The following CFAP77 variants were observed in gnomAD, a reference collection of about 807,000 sequenced individuals.
CFAP77 encodes cilia- and flagella-associated protein 77.
Under a neutral mutation model 31.1 loss-of-function variants are expected in CFAP77, and 25 were observed. The observed-to-expected ratio is 0.80, with a 90% CI of 0.59 to 1.12. The LOEUF is 1.12. Ranked by LOEUF, CFAP77 falls within the 50% of genes most tolerant of loss-of-function variation. The pLI is 0.00. For synonymous variants in CFAP77, 151 were observed against 159.9 expected, an observed-to-expected ratio of 0.94 and a Z score of 0.42; for missense variants, 377 against 397.3, an observed-to-expected ratio of 0.95 and a Z score of 0.44.
chr9:132,458,497 T>C (rs1163747380), intron 1 of CFAP77, among the ~76,000 whole-genome samples: 1 of 152,190 alleles, frequency 6.6e-6, no homozygotes, highest in Non-Finnish European at 1.5e-5. Flanking sequence ...ATCCTAACAG[T>C]GATCAGCAGA....
At chr9:132,546,182 C>A (rs1463999412) in intron 5 of CFAP77, among the ~76,000 whole-genome samples, 2 of 152,188 alleles carry the variant, frequency 1.3e-5, no homozygotes, top group Admixed American at 1.3e-4. Context: ...TACAGACCTG[C>A]TGAGCCTCCC....
chr9:132,557,878 G>A (rs974810921), intron 5 of CFAP77, among the ~76,000 whole-genome samples: 3 of 152,198 alleles, frequency 2.0e-5, no homozygotes, highest in Admixed American at 1.3e-4. Context: ...GCAGAGGAAC[G>A]TGTAGATGTC....
intron 3 of CFAP77, among the ~76,000 whole-genome samples, chr9:132,524,251 A>G (rs1040997720): frequency 1.1e-4 from 16 of 152,008 alleles, no homozygotes; most frequent in African/African-American, 3.9e-4. Context: ...GTTTTAGAAA[A>G]AGTTGTGGAA....
intron 5 of CFAP77, among the ~76,000 whole-genome samples, chr9:132,570,737 C>T (rs1829947323): frequency 6.6e-6 from 1 of 152,304 alleles, no homozygotes; most frequent in South Asian, 2.1e-4. Flanking sequence ...GGGTTTCTAA[C>T]AACGCTCCAC....
At chr9:132,443,626 C>T (rs1413060221) in intron 1 of CFAP77, among the ~76,000 whole-genome samples, 4 of 152,242 alleles carry the variant, frequency 2.6e-5, no homozygotes, top group South Asian at 2.1e-4. Context: ...AACGGCCCTT[C>T]GTGAAGCAAC....
chr9:132,431,770 C>T (rs530103670), intron 1 of CFAP77, among the ~76,000 whole-genome samples: 24 of 152,244 alleles, frequency 1.6e-4, no homozygotes, highest in African/African-American at 5.5e-4. Flanking sequence ...GGAATAGTAG[C>T]CCAAATTTCC....
Position 132,499,409 on chromosome 9 carries a change from C to A in CFAP77, c.333C>A (p.Thr111=). ...GRWNVFKQQP[T]CPHELTRNYI... ...GGAACGTGTTCAAGCAGCAGCCCAC[C>A]TGCCCCCACGAGCTGACCCGGAATT... Residue 111 remains threonine (T), a synonymous_variant, in exon 3 of 6, where the codon ACC becomes ACA. Coordinates refer to ENST00000393216, the MANE Select transcript of CFAP77 (RefSeq NM_001282957.2). The surrounding 1 kb of genome is among the most constrained non-coding windows in gnomAD (Gnocchi z 5.4). 1 of 1,614,228 alleles carries A rather than the reference C, an allele frequency of 6.2e-7. No homozygotes were observed. Among genetic ancestry groups the A allele is most frequent in the South Asian group, 1.1e-5 (1 of 91,088 alleles).
intron 1 of CFAP77, among the ~76,000 whole-genome samples, chr9:132,412,893 G>T (rs1328014846): frequency 6.6e-6 from 1 of 152,026 alleles, no homozygotes. Flanking sequence ...CTTCATTGTG[G>T]CATGTCAGTT....
At chr9:132,465,282 T>A (rs868824918) in intron 1 of CFAP77, among the ~76,000 whole-genome samples, 15 of 152,276 alleles carry the variant, frequency 9.9e-5, no homozygotes, top group Non-Finnish European at 1.5e-4. Flanking sequence ...TCTCTTCTAC[T>A]GAAATTCATT....
chr9:132,411,804 G>T (rs965156452), intron 1 of CFAP77, among the ~76,000 whole-genome samples: 1 of 152,076 alleles, frequency 6.6e-6, no homozygotes, highest in Non-Finnish European at 1.5e-5. Flanking sequence ...AAGTGAGGGC[G>T]TATGGAGTTA....
chr9:132,562,803 G>A (rs775515344), intron 5 of CFAP77, among the ~76,000 whole-genome samples: 13 of 151,660 alleles, frequency 8.6e-5, no homozygotes, highest in South Asian at 4.2e-4. Context: ...AGGTTCAAGC[G>A]ATTCTCCTGC....
intron 1 of CFAP77, among the ~76,000 whole-genome samples, chr9:132,443,234 A>AT (rs1850646583): frequency 1.3e-5 from 2 of 151,282 alleles, no homozygotes; most frequent in Non-Finnish European, 2.9e-5. Context: ...AAAATAAAAA[A>AT]GTTTTTTTTT....
In CFAP77 at chr9:132,552,533, C is replaced by CA. The variant is rs1176419142; in HGVS notation, c.732+9491dup. Among the ~76,000 whole-genome samples, 1 of 151,932 alleles carries CA rather than the reference C, an allele frequency of 6.6e-6. No homozygotes were observed. The highest frequency in any genetic ancestry group is 2.4e-5 in the African/African-American group (1 of 41,362). On this transcript the variant is annotated intron_variant, in intron 5 of 5. Transcript: ENST00000393216. This position sits in a 1 kb window ranked among gnomAD's most constrained non-coding sequence, Gnocchi z 5.5. ...CAATATGGTGAAACCCTGTCTCTAGCAAAAATACAAAACTTGGCTGGGCAT... is the reference window on the plus strand; with the variant it reads ...CAATATGGTGAAACCCTGTCTCTAGCAAAAAATACAAAACTTGGCTGGGCAT...
At chr9:132,447,536 G>A (rs1429899218) in intron 1 of CFAP77, among the ~76,000 whole-genome samples, 3 of 152,190 alleles carry the variant, frequency 2.0e-5, no homozygotes, top group South Asian at 2.1e-4. Flanking sequence ...CACCAGGAGC[G>A]CGTGGCCTTT....
At chr9:132,534,965 C>A (rs972779112) in intron 3 of CFAP77, among the ~76,000 whole-genome samples, 3 of 152,182 alleles carry the variant, frequency 2.0e-5, no homozygotes, top group Non-Finnish European at 4.4e-5. Flanking sequence ...GGCATGGGGA[C>A]CTCCTGGGCA....
At chr9:132,426,952 T>G (rs1456076961) in intron 1 of CFAP77, among the ~76,000 whole-genome samples, 1 of 152,216 alleles carries the variant, frequency 6.6e-6, no homozygotes, top group Non-Finnish European at 1.5e-5. Context: ...AAAGAGAAGA[T>G]GGATCTCAGC....
intron 3 of CFAP77, among the ~76,000 whole-genome samples, chr9:132,503,703 A>C (rs1165664821): frequency 6.6e-6 from 1 of 152,174 alleles, no homozygotes; most frequent in Non-Finnish European, 1.5e-5. Context: ...AAGTTCACAC[A>C]ACCTCTTCAT....
At chr9:132,504,305 C>T (rs533214493) in intron 3 of CFAP77, among the ~76,000 whole-genome samples, 2 of 152,288 alleles carry the variant, frequency 1.3e-5, no homozygotes, top group South Asian at 2.1e-4. Flanking sequence ...CGGGGTTTTC[C>T]ACGGCATCAC....
intron 1 of CFAP77, among the ~76,000 whole-genome samples, chr9:132,491,304 C>T (rs1236770047): frequency 6.6e-6 from 1 of 152,148 alleles, no homozygotes; most frequent in Admixed American, 6.5e-5. Context: ...CCCATCTCTA[C>T]CAAAAATACA....
Sources: gnomAD v4.1 joint callset for allele counts (sites outside exome capture counted in the v4.1 genomes callset) on GRCh38, gnomAD v4.1.1 for gene constraint, Gnocchi (gnomAD v3.1) non-coding constraint, MANE v1.5 for transcripts, NCBI Gene and HGNC (gene_info 2026-07-23, HGNC 2026-07-21) for gene names.